The following ADGRB3 variants were observed in gnomAD, a reference collection of about 807,000 sequenced individuals.
The protein encoded by ADGRB3 is brain-specific angiogenesis inhibitor 3.
A neutral mutation model predicts 193.4 loss-of-function variants in ADGRB3; 37 were observed. That is an observed-to-expected ratio of 0.19 (90% confidence interval 0.15 to 0.25). The LOEUF (loss-of-function observed/expected upper bound fraction) is 0.25, where lower values mean the gene tolerates loss of function less well. Ranked by LOEUF, ADGRB3 falls within the 10% of genes least tolerant of loss-of-function variation. ADGRB3 has a pLI of 1.00. For synonymous variants in ADGRB3, 690 were observed against 644.2 expected, an observed-to-expected ratio of 1.07 and a Z score of -1.08; for missense variants, 1,637 against 1,852.9, an observed-to-expected ratio of 0.88 and a Z score of 2.14.
chr6:69,103,505 A>G (rs1773124811), intron 17 of ADGRB3, among the ~76,000 whole-genome samples: 1 of 152,242 alleles, frequency 6.6e-6, no homozygotes, highest in South Asian at 2.1e-4. Flanking sequence ...TAAGGAAAAA[A>G]AGAAGTCTCA....
intron 3 of ADGRB3, among the ~76,000 whole-genome samples, chr6:68,848,228 C>T (rs1170175219): frequency 6.6e-6 from 1 of 151,952 alleles, no homozygotes; most frequent in African/African-American, 2.4e-5. Flanking sequence ...AAGCATAAAT[C>T]TTTCATACTG....
At chr6:69,290,980 C>G (rs375921899) in intron 20 of ADGRB3, among the ~76,000 whole-genome samples, 2 of 151,972 alleles carry the variant, frequency 1.3e-5, no homozygotes, top group African/African-American at 4.8e-5. Context: ...ATTCAGCTTT[C>G]GCTTTTAGTC....
intron 3 of ADGRB3, among the ~76,000 whole-genome samples, chr6:68,786,938 T>G (rs1228290831): frequency 6.6e-6 from 1 of 152,010 alleles, no homozygotes; most frequent in East Asian, 1.9e-4. Flanking sequence ...CGTTCACTCA[T>G]GATTTGGCTC....
At chr6:68,888,982 CAT>C (rs1342034829) in intron 3 of ADGRB3, among the ~76,000 whole-genome samples, 1 of 152,038 alleles carries the variant, frequency 6.6e-6, no homozygotes, top group Non-Finnish European at 1.5e-5. Context: ...AAGTGGGAAA[CAT>C]AAAAGTTATG....
intron 20 of ADGRB3, among the ~76,000 whole-genome samples, chr6:69,241,485 C>T (rs374291212): frequency 2.0e-5 from 3 of 151,872 alleles, no homozygotes; most frequent in Admixed American, 6.6e-5. Flanking sequence ...CTAGTGTCTA[C>T]GACGTTGTGT....
rs541649791 is a variant in ADGRB3, at chr6:68,970,290, C to A, written c.1526-4473C>A. 2.1e-5 allele frequency among the ~76,000 whole-genome samples: 3 copies of A among 144,688 alleles called. No individual in the cohort carries two copies. In the South Asian group the frequency reaches 6.6e-4, roughly 32 times the overall value. The allele number at this position is 144,688 out of a possible 152,430, so 94.9% of individuals were successfully genotyped here. On this transcript the variant is annotated intron_variant, in intron 8 of 31. Coordinates refer to ENST00000370598, the MANE Select transcript of ADGRB3 (RefSeq NM_001704.3). ...GCAGACTACTTTTCTTTTCTTCTTT[C>A]TTTTTTTTTTTTTAAATGGAATCTT...
At chr6:68,759,017 G>A (rs1455299433) in intron 3 of ADGRB3, among the ~76,000 whole-genome samples, 1 of 152,100 alleles carries the variant, frequency 6.6e-6, no homozygotes, top group Non-Finnish European at 1.5e-5. Context: ...ATACGAAATG[G>A]TAGGCCATGA....
In ADGRB3 at chr6:68,959,089, A is replaced by G. The variant is rs371924330; in HGVS notation, c.1525+2280A>G. On this transcript the variant is annotated intron_variant, in intron 8 of 31. Transcript: ENST00000370598. ...TTTCATATTAATTATTTAACTTTTTATGTGCAGTCACATCATCCCCAAATT... is the reference window on the plus strand; with the variant it reads ...TTTCATATTAATTATTTAACTTTTTGTGTGCAGTCACATCATCCCCAAATT... Among the ~76,000 whole-genome samples the G allele has an allele frequency of 7.2e-5, 11 of 152,126 alleles. No homozygotes were observed. In the East Asian group the frequency reaches 1.9e-3, roughly 27 times the overall value.
chr6:69,039,664 T>G (rs1770970991), intron 13 of ADGRB3, among the ~76,000 whole-genome samples: 1 of 151,998 alleles, frequency 6.6e-6, no homozygotes, highest in South Asian at 2.1e-4. Flanking sequence ...CATAGTAAAC[T>G]ATGTGCATAT....
At chr6:69,141,571 G>A (rs1774343702) in intron 17 of ADGRB3, among the ~76,000 whole-genome samples, 2 of 152,060 alleles carry the variant, frequency 1.3e-5, no homozygotes, top group Non-Finnish European at 2.9e-5. Flanking sequence ...GTTTTGGAGG[G>A]TACCTAGTGG....
chr6:69,277,210 G>C (rs143529208), intron 20 of ADGRB3, among the ~76,000 whole-genome samples: 2 of 152,038 alleles, frequency 1.3e-5, no homozygotes, highest in African/African-American at 4.8e-5. Flanking sequence ...GGTCAGGCTG[G>C]TCTTGAACTC....
At chr6:68,885,353 T>G (rs1440790564) in intron 3 of ADGRB3, among the ~76,000 whole-genome samples, 1 of 152,214 alleles carries the variant, frequency 6.6e-6, no homozygotes, top group Non-Finnish European at 1.5e-5. Context: ...TTAAAAATTT[T>G]AAATAATATT....
At position 68,994,937 on chromosome 6, in the gene ADGRB3, T is replaced by C. The variant is rs180927575; in HGVS notation, c.1929+975T>C. 5.9e-4 allele frequency among the ~76,000 whole-genome samples: 90 copies of C among 152,276 alleles called. 1 individual carries two copies. Among genetic ancestry groups the C allele is most frequent in the Admixed American group, 2.7e-3 (41 of 15,290 alleles). On this transcript the variant is annotated intron_variant, in intron 11 of 31. Coordinates refer to ENST00000370598, the MANE Select transcript of ADGRB3 (RefSeq NM_001704.3). ...TGAAGGAAAGAGGAAAACAAGACTT[T>C]TTAGAATCATGGAGTCTTTCATAAA...
intron 3 of ADGRB3, among the ~76,000 whole-genome samples, chr6:68,803,623 G>T (rs1767351231): frequency 6.6e-6 from 1 of 151,722 alleles, no homozygotes; most frequent in South Asian, 2.1e-4. Flanking sequence ...TCCTCTTCTT[G>T]TCAGCCTACA....
intron 17 of ADGRB3, among the ~76,000 whole-genome samples, chr6:69,198,935 A>C (rs1375332537): frequency 1.3e-5 from 2 of 152,140 alleles, no homozygotes; most frequent in African/African-American, 2.4e-5. Flanking sequence ...TTTAATATGA[A>C]TCAAGCTCAA....
chr6:69,287,493 A>G (rs760614770), intron 20 of ADGRB3, among the ~76,000 whole-genome samples: 1 of 152,228 alleles, frequency 6.6e-6, no homozygotes, highest in Non-Finnish European at 1.5e-5. Flanking sequence ...GAAAAAAAAC[A>G]AACTGAATCT....
intron 3 of ADGRB3, among the ~76,000 whole-genome samples, chr6:68,873,890 TA>T (rs1000946909): frequency 7.2e-5 from 11 of 152,174 alleles, no homozygotes; most frequent in African/African-American, 2.4e-4. Context: ...TTTTATTTTA[TA>T]AAAAAATTAG....
At chr6:69,034,440 A>G (rs911825806) in intron 13 of ADGRB3, among the ~76,000 whole-genome samples, 1 of 150,638 alleles carries the variant, frequency 6.6e-6, no homozygotes, top group Non-Finnish European at 1.5e-5. Context: ...CAAATGTATT[A>G]TTTTGTAATA....
intron 3 of ADGRB3, among the ~76,000 whole-genome samples, chr6:68,699,727 C>A (rs190078733): frequency 1.3e-5 from 2 of 151,648 alleles, no homozygotes; most frequent in African/African-American, 4.8e-5. Flanking sequence ...GCATCACCAC[C>A]GAGAGCAGTT....
Sources: gnomAD v4.1 joint callset for allele counts (sites outside exome capture counted in the v4.1 genomes callset) on GRCh38, gnomAD v4.1.1 for gene constraint, MANE v1.5 for transcripts, NCBI Gene and HGNC (gene_info 2026-07-23, HGNC 2026-07-21) for gene names.